The following CERS6 variants were observed in gnomAD, a reference collection of about 807,000 sequenced individuals.
CERS6 encodes LAG1 homolog, ceramide synthase 6.
In CERS6, 26 loss-of-function variants were observed where a neutral mutation model predicts 56.8. The ratio of observed to expected loss-of-function variants is 0.46; its 90% CI spans 0.34 to 0.63. The LOEUF is 0.63. CERS6 is among the 30% of genes least tolerant of loss of function. The pLI is 0.01. For synonymous variants in CERS6, 164 were observed against 173.3 expected (o/e 0.95, Z 0.42); for missense variants, 415 against 467.5 (o/e 0.89, Z 1.04).
rs752622547 is a variant in CERS6 at position 168,714,977 on chromosome 2, A to G, written c.610-24A>G. 13 of 1,594,042 alleles carry G rather than the reference A, an allele frequency of 8.2e-6. No individual in the cohort carries two copies. In the African/African-American group the frequency reaches 1.1e-4, roughly 13 times the overall value. ...AAATGTGATGTTGCTAAACTCTAAT[A>G]TGGATGTTTCTTCTTTCCTCAAGGA... On this transcript the variant is annotated intron_variant, in intron 6 of 9. Coordinates refer to ENST00000305747, the MANE Select transcript of CERS6 (RefSeq NM_203463.3).
At position 168,731,254 on chromosome 2, in the gene CERS6, C is replaced by T. The variant is rs80093706; in HGVS notation, c.845+13276C>T. Reference sequence around the variant, plus strand: ...TGCCCTGAGTCACTTCTGTTCCAAACGAGCCTCCTACCTGCTAATTCTGTC... The same window carrying T: ...TGCCCTGAGTCACTTCTGTTCCAAATGAGCCTCCTACCTGCTAATTCTGTC... On this transcript the variant is annotated intron_variant, in intron 8 of 9. Coordinates refer to ENST00000305747, the MANE Select transcript of CERS6 (RefSeq NM_203463.3). Among the ~76,000 whole-genome samples, 71 of 152,218 alleles carry T rather than the reference C, an allele frequency of 4.7e-4. 3 individuals are homozygous for T. The East Asian group carries it at 7.2e-3, about 15-fold the overall frequency.
At chr2:168,682,677 C>T (rs1046584957) in intron 4 of CERS6, among the ~76,000 whole-genome samples, 34 of 152,132 alleles carry the variant, frequency 2.2e-4, no homozygotes, top group African/African-American at 7.7e-4. Flanking sequence ...CTACAACTCT[C>T]ACAATGGGGG....
At chr2:168,765,775 AT>A (rs2105466384) in intron 9 of CERS6, 27 bp downstream of exon 9, 1 of 1,587,436 alleles carries the variant, frequency 6.3e-7, no homozygotes, top group East Asian at 2.3e-5. Context: ...TTTTTCCAAT[AT>A]GTCTTAAAAA....
intron 4 of CERS6, among the ~76,000 whole-genome samples, chr2:168,662,257 C>T (rs1574139431): frequency 2.0e-5 from 3 of 151,968 alleles, no homozygotes; most frequent in African/African-American, 7.3e-5. Flanking sequence ...ATACATTTCA[C>T]ATACTTTGTT....
intron 4 of CERS6, among the ~76,000 whole-genome samples, chr2:168,637,353 A>G (rs1027361505): frequency 3.3e-5 from 5 of 152,088 alleles, no homozygotes; most frequent in Non-Finnish European, 5.9e-5. Flanking sequence ...TTGGTGGCAC[A>G]CGCCTATAGT....
chr2:168,768,396 A>G (rs1178667581), intron 9 of CERS6, among the ~76,000 whole-genome samples: 3 of 143,406 alleles, frequency 2.1e-5, no homozygotes, highest in African/African-American at 7.7e-5. Context: ...CACCCGGCTA[A>G]TTTTTTTTTT....
At chr2:168,642,744 G>A (rs1235651222) in intron 4 of CERS6, among the ~76,000 whole-genome samples, 2 of 152,150 alleles carry the variant, frequency 1.3e-5, no homozygotes, top group Non-Finnish European at 2.9e-5. Flanking sequence ...TACAGTAAAG[G>A]CCTATATTGC....
intron 1 of CERS6, among the ~76,000 whole-genome samples, chr2:168,519,149 A>C (rs1056793252): frequency 1.3e-5 from 2 of 152,226 alleles, no homozygotes; most frequent in Non-Finnish European, 2.9e-5. Flanking sequence ...TGTACATCAT[A>C]AATATGGGTT....
chr2:168,704,139 T>C (rs1457283790), intron 6 of CERS6, among the ~76,000 whole-genome samples: 1 of 152,162 alleles, frequency 6.6e-6, no homozygotes, highest in Admixed American at 6.5e-5. Flanking sequence ...CTCTTAGACA[T>C]CTTTAGATCT....
chr2:168,599,920 G>C (rs1275350451), intron 3 of CERS6, among the ~76,000 whole-genome samples: 3 of 152,176 alleles, frequency 2.0e-5, no homozygotes, highest in African/African-American at 7.2e-5. Flanking sequence ...AATGGCCTTT[G>C]ATGTCAGAAT....
chr2:168,553,529 A>G (rs12692883), intron 2 of CERS6, among the ~76,000 whole-genome samples: 141,533 of 152,166 alleles, frequency 0.93, 66,236 homozygotes, highest in Non-Finnish European at 0.99. Flanking sequence ...CCTTTCTATA[A>G]TAACATTTTC....
intron 9 of CERS6, among the ~76,000 whole-genome samples, chr2:168,767,046 A>T (rs114415060): frequency 1.4e-3 from 213 of 152,354 alleles, no homozygotes; most frequent in African/African-American, 4.8e-3. Flanking sequence ...CATGCACAAA[A>T]CTGTCAATAT....
intron 3 of CERS6, among the ~76,000 whole-genome samples, chr2:168,620,062 C>T (rs201809446): frequency 0.014 from 1,013 of 70,070 alleles, 14 homozygotes; most frequent in African/African-American, 0.05. Context: ...CACACACACA[C>T]ATATTTATAT....
chr2:168,655,142 A>C (rs1407530829), intron 4 of CERS6, among the ~76,000 whole-genome samples: 1 of 152,252 alleles, frequency 6.6e-6, no homozygotes, highest in Non-Finnish European at 1.5e-5. Flanking sequence ...AAGGTGCTCA[A>C]TATCACTAAG....
chr2:168,551,775 A>T (rs1255738308), intron 2 of CERS6, among the ~76,000 whole-genome samples: 1 of 152,180 alleles, frequency 6.6e-6, no homozygotes, highest in Non-Finnish European at 1.5e-5. Context: ...ACAATTACGG[A>T]TTGTCAGACC....
chr2:168,486,123 T>C (rs1261180768), intron 1 of CERS6, among the ~76,000 whole-genome samples: 1 of 152,194 alleles, frequency 6.6e-6, no homozygotes, highest in African/African-American at 2.4e-5. Flanking sequence ...CATCTTTTCA[T>C]ATGCTTACCA....
At chr2:168,676,649 A>G (rs771306775) in intron 4 of CERS6, among the ~76,000 whole-genome samples, 1 of 152,226 alleles carries the variant, frequency 6.6e-6, no homozygotes, top group Non-Finnish European at 1.5e-5. Flanking sequence ...CAGAAAAACC[A>G]CACGTTGTCA....
At chr2:168,580,747 C>G (rs1683388476) in intron 3 of CERS6, among the ~76,000 whole-genome samples, 1 of 152,034 alleles carries the variant, frequency 6.6e-6, no homozygotes, top group African/African-American at 2.4e-5. Context: ...CTTCCTCATT[C>G]TTGAAGATTT....
chr2:168,470,701 G>A (rs571765303), intron 1 of CERS6, among the ~76,000 whole-genome samples: 1 of 151,506 alleles, frequency 6.6e-6, no homozygotes, highest in East Asian at 2.0e-4. Context: ...AAGGGACTAG[G>A]GAGAGAACAA....
Sources: allele counts gnomAD v4.1 joint callset (sites outside exome capture counted in the v4.1 genomes callset), GRCh38; gene constraint gnomAD v4.1.1; transcripts MANE v1.5; gene names NCBI Gene and HGNC (gene_info 2026-07-23, HGNC 2026-07-21).